RTL4: variants seen among roughly 807,000 people sequenced by gnomAD.
RTL4 encodes the protein retrotransposon Gag like 4.
In RTL4, 4 loss-of-function variants were observed where a neutral mutation model predicts 5.3. The observed-to-expected ratio is 0.75, with a 90% CI of 0.37 to 1.72. RTL4 has a LOEUF of 1.72. Among genes scored for constraint, RTL4 ranks in the 40% most tolerant of loss-of-function variants. The probability of loss-of-function intolerance (pLI) is 0.04; values close to 1 mark genes in which losing one functional copy is unlikely to be tolerated. For synonymous variants in RTL4, 98 were observed against 87.3 expected (o/e 1.12, Z -0.68); for missense variants, 260 against 227.1 (o/e 1.14, Z -0.93).
chrX:112,187,898 T>A, the RTL4 span, among the ~76,000 whole-genome samples: 2 of 111,838 alleles, frequency 1.8e-5, no homozygotes, highest in African/African-American at 6.5e-5. Flanking sequence ...GAGCATTTAA[T>A]ATCAATGATC....
At chrX:112,230,734 A>G in the RTL4 span, among the ~76,000 whole-genome samples, 1 of 112,048 alleles carries the variant, frequency 8.9e-6, no homozygotes, top group African/African-American at 3.2e-5. Flanking sequence ...AATGGGATCT[A>G]ATTAAACTAA....
the RTL4 span, among the ~76,000 whole-genome samples, chrX:112,246,711 C>T: frequency 9.0e-6 from 1 of 111,589 alleles, no homozygotes; most frequent in Non-Finnish European, 1.9e-5. Flanking sequence ...TCAGCTCACC[C>T]TCTGTGGGCT....
chrX:112,127,386 CA>C, the RTL4 span, among the ~76,000 whole-genome samples: 10 of 105,512 alleles, frequency 9.5e-5, no homozygotes, highest in Admixed American at 2.0e-4. Context: ...TTCATGATTC[CA>C]AAAAAAAAAT....
chrX:112,455,878 C>A, exon 1 of RTL4: 1 of 400,741 alleles, frequency 2.5e-6, no homozygotes, highest in Non-Finnish European at 4.3e-6. Flanking sequence ...AATTCACAGG[C>A]ACTTTCTGCA....
chrX:112,379,967 A>G, the RTL4 span, among the ~76,000 whole-genome samples: 3 of 111,050 alleles, frequency 2.7e-5, no homozygotes, highest in Non-Finnish European at 5.7e-5. Flanking sequence ...AAATTTCCTC[A>G]TACTCCTTAT....
At chrX:112,144,794 C>G in the RTL4 span, among the ~76,000 whole-genome samples, 1 of 111,637 alleles carries the variant, frequency 9.0e-6, no homozygotes, top group East Asian at 2.8e-4. Flanking sequence ...TCCCATGTAG[C>G]TGAATAACAA....
the RTL4 span, among the ~76,000 whole-genome samples, chrX:112,155,204 G>A: frequency 9.1e-6 from 1 of 110,059 alleles, no homozygotes; most frequent in African/African-American, 3.3e-5. Flanking sequence ...AGCAGCACAA[G>A]GGGACTATGA....
the RTL4 span, among the ~76,000 whole-genome samples, chrX:112,257,851 C>CAT: frequency 1.0e-5 from 1 of 99,586 alleles, no homozygotes; most frequent in East Asian, 3.0e-4. Context: ...AATGTTTTGA[C>CAT]ATATATATAG....
the RTL4 span, among the ~76,000 whole-genome samples, chrX:112,404,680 G>T: frequency 8.9e-6 from 1 of 112,711 alleles, no homozygotes; most frequent in South Asian, 3.6e-4. Context: ...GGACCATGAA[G>T]AAATATTGCA....
exon 1 of RTL4, chrX:112,454,877 C>T: frequency 8.3e-7 from 1 of 1,211,328 alleles, no homozygotes; most frequent in Non-Finnish European, 1.1e-6. Flanking sequence ...CTGGCCACCA[C>T]AGTGATGCCT....
chrX:112,255,937 T>A, the RTL4 span, among the ~76,000 whole-genome samples: 1 of 111,672 alleles, frequency 9.0e-6, no homozygotes, highest in East Asian at 2.8e-4. Context: ...AACAATGATA[T>A]CTCTTGATCT....
the RTL4 span, among the ~76,000 whole-genome samples, chrX:112,348,003 T>G: frequency 1.1e-4 from 12 of 111,801 alleles, no homozygotes; most frequent in Non-Finnish European, 2.3e-4. Flanking sequence ...TCATATATTT[T>G]ATGTAATATA....
chrX:112,168,676 G>T, the RTL4 span, among the ~76,000 whole-genome samples: 5 of 111,932 alleles, frequency 4.5e-5, no homozygotes, highest in Admixed American at 4.7e-4. Context: ...GGAAACATCA[G>T]AAGGTTACCC....
chrX:112,238,692 A>T, the RTL4 span, among the ~76,000 whole-genome samples: 2 of 110,044 alleles, frequency 1.8e-5, no homozygotes, highest in Non-Finnish European at 3.8e-5. Context: ...GTGATTTTTT[A>T]TTTTTTTTTA....
chrX:112,409,527 T>C, the RTL4 span, among the ~76,000 whole-genome samples: 39 of 108,384 alleles, frequency 3.6e-4, no homozygotes, highest in Non-Finnish European at 6.5e-4. Flanking sequence ...CGAGACCAGC[T>C]TGATCAACAT....
the RTL4 span, among the ~76,000 whole-genome samples, chrX:112,133,193 TTTC>T: frequency 3.6e-5 from 4 of 112,034 alleles, no homozygotes; most frequent in African/African-American, 9.7e-5. Context: ...CCCTCAGTAT[TTTC>T]TTCTGTAACA....
At chrX:112,151,656 G>C in the RTL4 span, among the ~76,000 whole-genome samples, 1 of 112,165 alleles carries the variant, frequency 8.9e-6, no homozygotes, top group East Asian at 2.8e-4. Context: ...ATTTGATGAT[G>C]TTCAGTTTGC....
chrX:112,374,099 C>G, the RTL4 span, among the ~76,000 whole-genome samples: 1 of 110,854 alleles, frequency 9.0e-6, no homozygotes, highest in Non-Finnish European at 1.9e-5. Flanking sequence ...TTTGCCTACC[C>G]TAAATTTCAT....
the RTL4 span, among the ~76,000 whole-genome samples, chrX:112,112,758 T>A: frequency 9.0e-6 from 1 of 111,557 alleles, no homozygotes; most frequent in Non-Finnish European, 1.9e-5. Context: ...ACCAAACAGA[T>A]GAGGGCTATC....
Sources: gnomAD v4.1 joint callset for allele counts (sites outside exome capture counted in the v4.1 genomes callset) on GRCh38, gnomAD v4.1.1 for gene constraint, MANE v1.5 for transcripts, NCBI Gene and HGNC (gene_info 2026-07-23, HGNC 2026-07-21) for gene names.